The following TRPC4 variants were observed in gnomAD, a reference collection of about 807,000 sequenced individuals.
TRPC4 encodes the protein short transient receptor potential channel 4.
Under a neutral mutation model 99.4 loss-of-function variants are expected in TRPC4, and 49 were observed. The ratio of observed to expected loss-of-function variants is 0.49; its 90% CI spans 0.39 to 0.63. The LOEUF (loss-of-function observed/expected upper bound fraction) is 0.63. TRPC4 is among the 20% of genes least tolerant of loss of function. The pLI is 0.00. For missense variants in TRPC4, 898 were observed against 1,152.9 expected (o/e 0.78, Z 3.20); for synonymous variants, 454 against 425.9 (o/e 1.07, Z -0.81).
intron 3 of TRPC4, among the ~76,000 whole-genome samples, chr13:37,714,242 T>C (rs1257901767): frequency 6.6e-6 from 1 of 152,116 alleles, no homozygotes; most frequent in Non-Finnish European, 1.5e-5. Flanking sequence ...TTCTCCTGCC[T>C]CAGCCTCCTG....
At chr13:37,690,152 TAAG>T (rs1189694793) in intron 4 of TRPC4, among the ~76,000 whole-genome samples, 2 of 152,246 alleles carry the variant, frequency 1.3e-5, no homozygotes, top group East Asian at 3.8e-4. Context: ...AGACATTTTC[TAAG>T]AAGAAAATTC....
intron 1 of TRPC4, among the ~76,000 whole-genome samples, chr13:37,796,410 T>G (rs1957246947): frequency 6.6e-6 from 1 of 152,180 alleles, no homozygotes; most frequent in Non-Finnish European, 1.5e-5. Context: ...CGCTACCTGA[T>G]GCTCAGTTTT....
intron 8 of TRPC4, among the ~76,000 whole-genome samples, chr13:37,641,581 C>T (rs1311978076): frequency 1.3e-5 from 2 of 152,302 alleles, no homozygotes; most frequent in East Asian, 1.9e-4. Context: ...GCTGATAGAG[C>T]TCTCATCTGT....
chr13:37,830,306 ATATG>A (rs1277461898), intron 1 of TRPC4, among the ~76,000 whole-genome samples: 1 of 152,194 alleles, frequency 6.6e-6, no homozygotes, highest in Non-Finnish European at 1.5e-5. Flanking sequence ...ACACACAGAA[ATATG>A]TATCTATAGG....
intron 4 of TRPC4, among the ~76,000 whole-genome samples, chr13:37,682,582 T>C (rs910926802): frequency 3.9e-5 from 6 of 152,006 alleles, no homozygotes; most frequent in Non-Finnish European, 7.4e-5. Flanking sequence ...TTACAGAAAA[T>C]TGTAGCCAAA....
rs114799800 is a variant in TRPC4 at position 37,634,265 on chromosome 13, C to T, written c.*2638G>A. 5.0e-3 allele frequency among the ~76,000 whole-genome samples: 761 copies of T among 152,146 alleles called. 5 individuals are homozygous for T. Among genetic ancestry groups the T allele is most frequent in the African/African-American group, 0.017 (709 of 41,544 alleles). On this transcript the variant is annotated 3_prime_UTR_variant, in exon 11 of 11. Transcript: ENST00000379705. Reference sequence around the variant, plus strand: ...CAGTATTTCTTTGCTTGCTATCCTGCTGTTGTTTGACTTTTCTTATTTTAT... The same window carrying T: ...CAGTATTTCTTTGCTTGCTATCCTGTTGTTGTTTGACTTTTCTTATTTTAT...
chr13:37,688,769 C>T (rs1953578296), intron 4 of TRPC4, among the ~76,000 whole-genome samples: 1 of 152,098 alleles, frequency 6.6e-6, no homozygotes, highest in Non-Finnish European at 1.5e-5. Flanking sequence ...TTCAAGAAGA[C>T]TTGAGAAAAA....
intron 8 of TRPC4, among the ~76,000 whole-genome samples, chr13:37,649,939 T>C (rs946305279): frequency 1.3e-5 from 2 of 152,150 alleles, no homozygotes; most frequent in Admixed American, 6.5e-5. Flanking sequence ...GTCAGATACA[T>C]TCTCAAACTG....
intron 3 of TRPC4, among the ~76,000 whole-genome samples, chr13:37,716,261 T>A (rs532947063): frequency 6.6e-6 from 1 of 152,250 alleles, no homozygotes; most frequent in East Asian, 1.9e-4. Context: ...TACAAAAAAA[T>A]TCTAAGTACT....
intron 6 of TRPC4, among the ~76,000 whole-genome samples, chr13:37,657,749 A>G (rs894561571): frequency 6.6e-6 from 1 of 152,194 alleles, no homozygotes; most frequent in Non-Finnish European, 1.5e-5. Flanking sequence ...CATAGTAACT[A>G]CTAATTTTAG....
chr13:37,794,853 C>T (rs1478113559), intron 1 of TRPC4, among the ~76,000 whole-genome samples: 2 of 152,046 alleles, frequency 1.3e-5, no homozygotes, highest in Admixed American at 1.3e-4. Flanking sequence ...ATGAGGTTTC[C>T]AAAGAAACTA....
chr13:37,827,115 C>T (rs1301752375), intron 1 of TRPC4, among the ~76,000 whole-genome samples: 4 of 152,078 alleles, frequency 2.6e-5, no homozygotes, highest in Non-Finnish European at 5.9e-5. Flanking sequence ...CCTTGGTTTT[C>T]AGCTCCATCA....
At chr13:37,778,646 C>T (rs1167498983) in intron 2 of TRPC4, among the ~76,000 whole-genome samples, 1 of 151,880 alleles carries the variant, frequency 6.6e-6, no homozygotes, top group East Asian at 1.9e-4. Context: ...TTTAGTAGAA[C>T]TTTAAAACCA....
At chr13:37,806,666 G>A (rs1957536628) in intron 1 of TRPC4, among the ~76,000 whole-genome samples, 1 of 152,034 alleles carries the variant, frequency 6.6e-6, no homozygotes, top group Non-Finnish European at 1.5e-5. Context: ...TCAAGTTGGG[G>A]CATGAAAGAT....
chr13:37,854,469 G>T (rs192026418), intron 1 of TRPC4, among the ~76,000 whole-genome samples: 2 of 152,096 alleles, frequency 1.3e-5, no homozygotes, highest in East Asian at 3.9e-4. Flanking sequence ...TGATGATCAA[G>T]AAAAGAATCA....
In TRPC4 at chr13:37,827,850, G is replaced by T. The variant is rs570133496; in HGVS notation, c.-28+41745C>A. ...GTTTACCTAAGCAAGCCTGGGCAAT[G>T]GCGGGTGCCCCTCCCCTAGCCTCGC... is the stretch of plus-strand genomic sequence containing the variant. On this transcript the variant is annotated intron_variant, in intron 1 of 10. Transcript: ENST00000379705. Among the ~76,000 whole-genome samples, 7 of 152,378 alleles carry T rather than the reference G, an allele frequency of 4.6e-5. No homozygotes were observed. The South Asian group carries it at 1.2e-3, about 27-fold the overall frequency.
chr13:37,679,953 C>T (rs1953181863), intron 4 of TRPC4, among the ~76,000 whole-genome samples: 1 of 152,102 alleles, frequency 6.6e-6, no homozygotes, highest in African/African-American at 2.4e-5. Context: ...CTCCTACTAA[C>T]CTGGCTACAG....
intron 3 of TRPC4, among the ~76,000 whole-genome samples, chr13:37,720,790 T>C (rs1160542951): frequency 2.0e-5 from 3 of 152,312 alleles, no homozygotes; most frequent in Admixed American, 6.5e-5. Flanking sequence ...ATTCTGAATA[T>C]ACTTCATTTT....
chr13:37,745,528 G>GTATATATACATATATA, intron 3 of TRPC4, among the ~76,000 whole-genome samples: 1 of 72,884 alleles, frequency 1.4e-5, no homozygotes, highest in Middle Eastern at 6.5e-3. Context: ...ACGTATATAT[G>GTATATATACATATATA]TATATATACG....
Sources: allele counts gnomAD v4.1 joint callset (sites outside exome capture counted in the v4.1 genomes callset), GRCh38; gene constraint gnomAD v4.1.1; transcripts MANE v1.5; gene names NCBI Gene and HGNC (gene_info 2026-07-23, HGNC 2026-07-21).